Variants in SPICE1 observed in about 807,000 individuals in gnomAD.
The protein encoded by SPICE1 is spindle and centriole associated protein 1.
SPICE1 carries 75 observed loss-of-function variants against 102.7 expected under a neutral mutation model. The ratio of observed to expected loss-of-function variants is 0.73; its 90% CI spans 0.61 to 0.88. SPICE1 has a LOEUF of 0.88. SPICE1 is among the 40% of genes least tolerant of loss of function. The pLI, the probability that SPICE1 is intolerant of heterozygous loss-of-function variation, is 0.00. For missense variants in SPICE1, 979 were observed against 1,020.1 expected (o/e 0.96, Z 0.55); for synonymous variants, 308 against 350.3 (o/e 0.88, Z 1.35).
In SPICE1 at chr3:113,445,346, A is replaced by G. The variant is rs58193594; in HGVS notation, c.2529T>C (p.Asn843=). 26 of 1,612,724 alleles carry G rather than the reference A, an allele frequency of 1.6e-5. No individual in the cohort carries two copies. The East Asian group carries it at 4.0e-4, about 25-fold the overall frequency. Residue 843 remains asparagine (N), a synonymous_variant, in exon 18 of 18, where the codon AAT becomes AAC. Transcript: ENST00000295872. ...TAGAAAGAGCAAACCAGCCTTCTTC[A>G]TTCTGTTTCTCAATCTGTTGAACAA... The part of the protein sequence containing the change: ...LNPRAKIEKQ[N]EEGWFALSTH...
chr3:113,461,855 A>G (rs1319355204), intron 11 of SPICE1, among the ~76,000 whole-genome samples: 1 of 152,210 alleles, frequency 6.6e-6, no homozygotes, highest in African/African-American at 2.4e-5. Context: ...GAAGTATAGT[A>G]AACATTTTTA....
intron 2 of SPICE1, 117 bp downstream of exon 2, chr3:113,506,390 C>G: frequency 1.3e-6 from 1 of 784,874 alleles, no homozygotes; most frequent in Non-Finnish European, 2.1e-6. Flanking sequence ...GAAACCTATT[C>G]CACCCTATTA....
intron 14 of SPICE1, among the ~76,000 whole-genome samples, chr3:113,451,723 T>C (rs80247537): frequency 0.029 from 4,431 of 152,302 alleles, 113 homozygotes; most frequent in East Asian, 0.1. Flanking sequence ...AGGCAGTTGA[T>C]ATTTACTTAT....
intron 7 of SPICE1, among the ~76,000 whole-genome samples, chr3:113,483,066 C>T (rs1199137224): frequency 6.6e-6 from 1 of 152,096 alleles, no homozygotes; most frequent in African/African-American, 2.4e-5. Flanking sequence ...TTGTTTGTGT[C>T]GTCTCTTATT....
chr3:113,469,862 T>C (rs1936154894), intron 7 of SPICE1, among the ~76,000 whole-genome samples: 1 of 152,114 alleles, frequency 6.6e-6, no homozygotes, highest in Non-Finnish European at 1.5e-5. Flanking sequence ...ATTAAGCATA[T>C]ATGGCTCAGC....
chr3:113,443,326 A>G lies in SPICE1; in HGVS notation c.*1981T>C, dbSNP rs1405481780. On this transcript the variant is annotated 3_prime_UTR_variant, in exon 18 of 18. Transcript: ENST00000295872. ...CAAGATTTCTGGTTTCAGTACTTGCATCCTTAGCTACTGTACTGTATTAGT... is the reference window on the plus strand; with the variant it reads ...CAAGATTTCTGGTTTCAGTACTTGCGTCCTTAGCTACTGTACTGTATTAGT... 6.6e-6 allele frequency: 1 copy of G among 152,260 alleles called. No homozygotes were observed. Among genetic ancestry groups the G allele is most frequent in the Non-Finnish European group, 1.5e-5 (1 of 68,046 alleles). The allele number at this position is 152,260 out of a possible 1,614,324, so 9.4% of individuals were successfully genotyped here. A position where few individuals can be genotyped will look rare whatever the true frequency, so the allele number is the denominator to read the frequency against.
Position 113,446,641 on chromosome 3 carries a change from A to T in SPICE1, c.2462T>A (p.Leu821Gln), listed in dbSNP as rs141610268. The T allele has an allele frequency of 3.1e-6, 5 of 1,613,822 alleles. No individual in the cohort carries two copies. In the African/African-American group the frequency reaches 6.7e-5, roughly 22 times the overall value. Residue 821 changes from leucine to glutamine, a missense_variant, in exon 17 of 18, where the codon CTA becomes CAA. Physicochemically the swap from Leu to Gln is moderately radical, Grantham distance 113 (BLOSUM62 -2). Transcript: ENST00000295872. ...TCTCCCACTTCCTGAGGTGGCATTT[A>T]GTGGAGAACAAGAATTACCAGTAGC... ...SGATGNSCSP[L>Q]NATSGSGRFT...
chr3:113,507,777 TCTAAG>T (rs1412362907), intron 1 of SPICE1, among the ~76,000 whole-genome samples: 1 of 152,172 alleles, frequency 6.6e-6, no homozygotes, highest in Non-Finnish European at 1.5e-5. Flanking sequence ...CAGATGCTAT[TCTAAG>T]CTCTTTAAAC....
intron 1 of SPICE1, 130 bp downstream of exon 1, chr3:113,514,767 C>G: frequency 7.8e-7 from 1 of 1,288,308 alleles, no homozygotes. Context: ...GTGAACTCCC[C>G]CAACGCTACA....
chr3:113,451,176 A>C (rs1179806226), intron 14 of SPICE1, among the ~76,000 whole-genome samples: 1 of 152,078 alleles, frequency 6.6e-6, no homozygotes, highest in Non-Finnish European at 1.5e-5. Context: ...GAATCTTGTC[A>C]CTCCTTCTAA....
At chr3:113,484,982 C>T (rs1378175987) in intron 7 of SPICE1, among the ~76,000 whole-genome samples, 1 of 151,826 alleles carries the variant, frequency 6.6e-6, no homozygotes, top group Non-Finnish European at 1.5e-5. Context: ...TCTCCCCTAC[C>T]CAAGGGAATC....
At chr3:113,447,138 GAA>G (rs1167512360) in intron 16 of SPICE1, among the ~76,000 whole-genome samples, 1 of 151,596 alleles carries the variant, frequency 6.6e-6, no homozygotes, top group African/African-American at 2.4e-5. Context: ...CCAGCCATGT[GAA>G]ACTGTAAGTC....
chr3:113,458,967 C>A (rs988195825), intron 12 of SPICE1, among the ~76,000 whole-genome samples: 3 of 151,874 alleles, frequency 2.0e-5, no homozygotes, highest in Non-Finnish European at 4.4e-5. Flanking sequence ...GCGGTTTTGT[C>A]GAATAGAAAA....
intron 4 of SPICE1, among the ~76,000 whole-genome samples, chr3:113,497,112 A>C (rs1029286673): frequency 2.6e-5 from 4 of 152,170 alleles, no homozygotes; most frequent in Admixed American, 6.5e-5. Context: ...GGCCAACAGG[A>C]TATATGCCAG....
chr3:113,505,345 C>T (rs901051919), intron 2 of SPICE1, among the ~76,000 whole-genome samples: 5 of 151,978 alleles, frequency 3.3e-5, no homozygotes, highest in South Asian at 2.1e-4. Context: ...AGTTTCCTTA[C>T]CTTAGAGTCA....
intron 1 of SPICE1, among the ~76,000 whole-genome samples, chr3:113,509,280 G>C (rs1397013868): frequency 6.6e-6 from 1 of 152,100 alleles, no homozygotes; most frequent in Non-Finnish European, 1.5e-5. Context: ...GTTATTCAAA[G>C]ACATGAATCT....
chr3:113,497,152 C>T (rs935111991), intron 4 of SPICE1, among the ~76,000 whole-genome samples: 9 of 152,190 alleles, frequency 5.9e-5, no homozygotes, highest in Admixed American at 2.0e-4. Flanking sequence ...ATAGGAGTAG[C>T]ATGCACTGTT....
intron 9 of SPICE1, 141 bp from the exon 10 acceptor site, chr3:113,468,545 A>G: frequency 8.7e-7 from 1 of 1,154,244 alleles, no homozygotes; most frequent in Non-Finnish European, 1.2e-6. Flanking sequence ...TAAAAATTAA[A>G]CAGTTTAAAC....
rs368859965 is a variant in SPICE1, at chr3:113,459,887, GAA to G, written c.1435+728_1435+729del. The G allele has an allele frequency of 4.5e-4, 386 of 850,980 alleles. No individual in the cohort carries two copies. In the African/African-American group the frequency reaches 6.2e-3, roughly 14 times the overall value. The allele number at this position is 850,980 out of a possible 1,614,324, so 52.7% of individuals were successfully genotyped here. On this transcript the variant is annotated intron_variant, in intron 12 of 17. Coordinates refer to ENST00000295872, the MANE Select transcript of SPICE1 (RefSeq NM_144718.4). ...ACAGAGCGAAACTCCATCTCAAAAA[GAA>G]AAAAAAAAAAAAAATAGCAAGACTC...
Sources: gnomAD v4.1 joint callset for allele counts (sites outside exome capture counted in the v4.1 genomes callset) on GRCh38, gnomAD v4.1.1 for gene constraint, MANE v1.5 for transcripts, NCBI Gene and HGNC (gene_info 2026-07-23, HGNC 2026-07-21) for gene names.